GIGYF2: variants seen among roughly 807,000 people sequenced by gnomAD.
The protein encoded by GIGYF2 is GRB10 interacting GYF protein 2, also known as GRB10-interacting GYF protein 2.
GIGYF2 carries 25 observed loss-of-function variants against 208.1 expected under a neutral mutation model. The observed-to-expected ratio is 0.12, with a 90% CI of 0.09 to 0.17. The LOEUF is 0.17. Among genes scored for constraint, GIGYF2 ranks in the 10% least tolerant of loss-of-function variants. The pLI is 1.00. For synonymous variants in GIGYF2, 534 were observed against 543.8 expected (o/e 0.98, Z 0.25); for missense variants, 1,302 against 1,579.4 (o/e 0.82, Z 2.98).
Position 232,768,881 on chromosome 2 carries a change from C to T in GIGYF2, c.532+7445C>T. ...AAATATCAATACTTTTTCTGAATGACAAGTGTATATCAAATATTTACACAT... is the reference window on the plus strand; with the variant it reads ...AAATATCAATACTTTTTCTGAATGATAAGTGTATATCAAATATTTACACAT... On this transcript the variant is annotated intron_variant, in intron 8 of 28. Coordinates refer to ENST00000373563, the MANE Select transcript of GIGYF2 (RefSeq NM_001103146.3). 3 of 1,334,738 alleles carry T rather than the reference C, an allele frequency of 2.2e-6. No homozygotes were observed. In the South Asian group the frequency reaches 3.9e-5, roughly 17 times the overall value. The allele number at this position is 1,334,738 out of a possible 1,614,324, so 82.7% of individuals were successfully genotyped here. A position where few individuals can be genotyped will look rare whatever the true frequency, so the allele number is the denominator to read the frequency against.
rs557819286 is a variant in GIGYF2, at chr2:232,750,028, TA to T, written c.267+953del. Among the ~76,000 whole-genome samples the T allele has an allele frequency of 4.6e-3, 703 of 151,718 alleles. 5 individuals carry two copies. The highest frequency in any genetic ancestry group is 7.4e-3 in the Non-Finnish European group (505 of 67,906). On this transcript the variant is annotated intron_variant, in intron 5 of 28. Transcript: ENST00000373563. ...GGTGAAACCCTATCTCTACTAAAAA[TA>T]AAAAAATTAGCCGAGCATGGTGACA... is the stretch of plus-strand genomic sequence containing the variant.
At chr2:232,768,861 T>A in intron 8 of GIGYF2, 1 of 1,487,154 alleles carries the variant, frequency 6.7e-7, no homozygotes, top group Non-Finnish European at 9.2e-7. Flanking sequence ...ACTTTAAATA[T>A]CAATACTTTT....
In GIGYF2 at chr2:232,703,493, AGT is replaced by A. The variant is rs1289588100; in HGVS notation, c.-44+8_-44+9del. ...AACCAGCAGAATTTTTGAACAGGTA[AGT>A]GTGGAAGGGAAGCACAAAGCCTGAG... On this transcript the variant is annotated splice_donor_5th_base_variant and intron_variant, in intron 2 of 28. Transcript: ENST00000373563. The A allele has an allele frequency of 1.3e-5, 2 of 152,650 alleles. No individual in the cohort carries two copies. The highest frequency in any genetic ancestry group is 1.5e-5 in the Non-Finnish European group (1 of 68,042). The allele number at this position is 152,650 out of a possible 1,614,324, so 9.5% of individuals were successfully genotyped here.
chr2:232,714,915 C>A lies in GIGYF2; in HGVS notation c.-44+11426C>A, dbSNP rs138394016. ...GTACCCATTAGTTATTTTTCCCGAT[C>A]CTCTCCCTTCTCCCACTCTCCACCC... is the stretch of plus-strand genomic sequence containing the variant. On this transcript the variant is annotated intron_variant, in intron 2 of 28. Transcript: ENST00000373563. Among the ~76,000 whole-genome samples, 216 of 152,034 alleles carry A rather than the reference C, an allele frequency of 1.4e-3. 1 individual carries two copies. The highest frequency in any genetic ancestry group is 4.9e-3 in the African/African-American group (205 of 41,468).
chr2:232,820,123 C>T lies in GIGYF2; in HGVS notation c.2529+138C>T, dbSNP rs11689661. 122,565 of 781,806 alleles carry T rather than the reference C, an allele frequency of 0.16. 10,895 individuals carry two copies. The highest frequency in any genetic ancestry group is 0.17 in the Non-Finnish European group (81,994 of 469,766). 48.4% of individuals were successfully genotyped at this position (781,806 alleles called of 1,614,324 possible). A position where few individuals can be genotyped will look rare whatever the true frequency, so the allele number is the denominator to read the frequency against. ...TTAACCAAAAGAAACCTAACTGGCT[C>T]TTATTACTTCTGTCTAAATTTCTTC... is the stretch of plus-strand genomic sequence containing the variant. On this transcript the variant is annotated intron_variant, in intron 21 of 28. Coordinates refer to ENST00000373563, the MANE Select transcript of GIGYF2 (RefSeq NM_001103146.3).
intron 14 of GIGYF2, among the ~76,000 whole-genome samples, chr2:232,800,820 A>G (rs1321745460): frequency 2.0e-5 from 3 of 151,836 alleles, no homozygotes; most frequent in Non-Finnish European, 4.4e-5. Context: ...GGAGGCTGAG[A>G]CCAGAGGACT....
At chr2:232,826,756 C>A (rs1380845693) in intron 21 of GIGYF2, among the ~76,000 whole-genome samples, 1 of 152,028 alleles carries the variant, frequency 6.6e-6, no homozygotes, top group Non-Finnish European at 1.5e-5. Flanking sequence ...GAAGTTCTAC[C>A]CTAGATAAAA....
At chr2:232,732,330 T>G (rs558513517) in intron 2 of GIGYF2, among the ~76,000 whole-genome samples, 72 of 152,216 alleles carry the variant, frequency 4.7e-4, no homozygotes, top group Middle Eastern at 3.2e-3. Context: ...TTTTCCCCCC[T>G]TTCTTTCTGA....
At chr2:232,725,723 CATT>C (rs1472117801) in intron 2 of GIGYF2, among the ~76,000 whole-genome samples, 1 of 152,168 alleles carries the variant, frequency 6.6e-6, no homozygotes. Context: ...ACATGGTACT[CATT>C]GTTTTTTTAT....
chr2:232,780,526 C>T (rs746628790), intron 8 of GIGYF2, among the ~76,000 whole-genome samples: 6 of 152,166 alleles, frequency 3.9e-5, no homozygotes, highest in East Asian at 1.9e-4. Context: ...AAAATTCTGA[C>T]GAAAGCTGTA....
Position 232,748,291 on chromosome 2 carries a change from C to CT in GIGYF2, c.171+556dup, listed in dbSNP as rs532134106. Among the ~76,000 whole-genome samples the CT allele has an allele frequency of 1.6e-4, 25 of 151,630 alleles. No homozygotes were observed. In the South Asian group the frequency reaches 4.0e-3, roughly 24 times the overall value. ...ATATTTTGTATTTTTTCCCAATATA[C>CT]TTTTTTTTTGAGACAGAGTCTGGCT... is the stretch of plus-strand genomic sequence containing the variant. On this transcript the variant is annotated intron_variant, in intron 4 of 28. Transcript: ENST00000373563.
chr2:232,847,461 C>T lies in GIGYF2; in HGVS notation c.3574C>T (p.Leu1192Phe). Residue 1192 changes from leucine (L) to phenylalanine (F), a missense_variant, in exon 27 of 29, where the codon CTT (leucine) becomes TTT (phenylalanine). Leu to Phe is a conservative substitution (Grantham distance 22). Transcript: ENST00000373563. ...SEAKEFAKQF[L>F]ERRAKQKANQ... ...GGCCAAGGAGTTTGCCAAGCAGTTC[C>T]TTGAGCGCCGTGCCAAACAGAAAGC... is the stretch of plus-strand genomic sequence containing the variant. 6.2e-7 allele frequency: 1 copy of T among 1,613,864 alleles called. No homozygotes were observed. The highest frequency in any genetic ancestry group is 1.3e-5 in the African/African-American group (1 of 75,010).
rs141873387 is a variant in GIGYF2, at chr2:232,802,897, G to T, written c.1640-3594G>T. 6.6e-4 allele frequency among the ~76,000 whole-genome samples: 85 copies of T among 128,788 alleles called. 1 individual carries two copies. The East Asian group carries it at 0.018, about 27-fold the overall frequency. The allele number at this position is 128,788 out of a possible 152,430, so 84.5% of individuals were successfully genotyped here. On this transcript the variant is annotated intron_variant, in intron 14 of 28. Coordinates refer to ENST00000373563, the MANE Select transcript of GIGYF2 (RefSeq NM_001103146.3). ...AGGGCAGGGCTTTCCTTTGTCCAGA[G>T]ATTTTTTTTTTTTTTTTTTAAAGAC...
intron 9 of GIGYF2, among the ~76,000 whole-genome samples, chr2:232,789,019 G>A (rs974188405): frequency 3.3e-5 from 5 of 152,104 alleles, no homozygotes; most frequent in African/African-American, 1.2e-4. Flanking sequence ...AACTCTTAAC[G>A]TTTGTTAGTT....
Position 232,796,156 on chromosome 2 carries a change from C to T in GIGYF2, c.1574C>T (p.Ser525Leu), listed in dbSNP as rs774851611. The change falls in exon 14 of 29, where the codon TCG becomes TTG. Residue 525 changes from serine (S) to leucine (L), a missense_variant. Ser to Leu is a moderately radical substitution (Grantham distance 145, BLOSUM62 -2). Transcript: ENST00000373563. ...CAAGAGCACAGAGCTAAAGGAGTGTCGATTCCATTGATGCATGAAGCAATG... is the reference window on the plus strand; with the variant it reads ...CAAGAGCACAGAGCTAAAGGAGTGTTGATTCCATTGATGCATGAAGCAATG... ...KLQEHRAKGV[S>L]IPLMHEAMQK... 25 of 1,599,778 alleles carry T rather than the reference C, an allele frequency of 1.6e-5. No individual in the cohort carries two copies. The highest frequency in any genetic ancestry group is 2.1e-5 in the Non-Finnish European group (25 of 1,167,060).
At chr2:232,797,724 G>A (rs1308311981) in intron 14 of GIGYF2, among the ~76,000 whole-genome samples, 1 of 152,022 alleles carries the variant, frequency 6.6e-6, no homozygotes, top group East Asian at 1.9e-4. Context: ...GCTCATGCCT[G>A]TAATCCCAGC....
intron 16 of GIGYF2, 173 bp from the exon 17 acceptor site, chr2:232,811,071 C>T: frequency 3.5e-6 from 2 of 578,954 alleles, no homozygotes; most frequent in South Asian, 2.0e-5. Context: ...TAGAATGAAG[C>T]ATAGAATTTT....
At chr2:232,744,270 A>G (rs1431659118) in intron 3 of GIGYF2, among the ~76,000 whole-genome samples, 6 of 152,204 alleles carry the variant, frequency 3.9e-5, no homozygotes, top group South Asian at 2.1e-4. Flanking sequence ...GTGAGCAGCA[A>G]TTGAAGAAAT....
chr2:232,828,592 A>G (rs1378320859), intron 21 of GIGYF2: 3 of 152,182 alleles, frequency 2.0e-5, no homozygotes, highest in East Asian at 1.9e-4. Flanking sequence ...AGCTGAAACT[A>G]CAAGCATATA....
Sources: gnomAD v4.1 joint callset for allele counts (sites outside exome capture counted in the v4.1 genomes callset) on GRCh38, gnomAD v4.1.1 for gene constraint, MANE v1.5 for transcripts, NCBI Gene and HGNC (gene_info 2026-07-23, HGNC 2026-07-21) for gene names.